PAG1: variants seen among roughly 807,000 people sequenced by gnomAD.
The protein encoded by PAG1 is phosphoprotein associated with glycosphingolipid-enriched microdomains 1.
Under a neutral mutation model 31.7 loss-of-function variants are expected in PAG1, and 23 were observed. The observed-to-expected ratio is 0.73, with a 90% CI of 0.52 to 1.03. The LOEUF (loss-of-function observed/expected upper bound fraction) is 1.03, where lower values mean the gene tolerates loss of function less well. PAG1 is among the 50% of genes least tolerant of loss of function. PAG1 has a pLI of 0.00. For missense variants in PAG1, 473 were observed against 540.7 expected (o/e 0.87, Z 1.24); for synonymous variants, 214 against 210.3 (o/e 1.02, Z -0.15).
intron 3 of PAG1, among the ~76,000 whole-genome samples, chr8:81,029,385 CA>C (rs1268575037): frequency 5.9e-4 from 89 of 150,388 alleles, no homozygotes; most frequent in Non-Finnish European, 7.4e-4. Flanking sequence ...CACACACACA[CA>C]CACCCCTCCC....
intron 3 of PAG1, among the ~76,000 whole-genome samples, chr8:81,029,424 C>T (rs1169506922): frequency 6.6e-6 from 1 of 151,468 alleles, no homozygotes; most frequent in Non-Finnish European, 1.5e-5. Context: ...ATATGATTTC[C>T]AAAACAAGAA....
chr8:81,042,409 T>C (rs1449289872), intron 2 of PAG1, among the ~76,000 whole-genome samples: 1 of 152,238 alleles, frequency 6.6e-6, no homozygotes, highest in Non-Finnish European at 1.5e-5. Flanking sequence ...TCACTTGTTT[T>C]TCAAGCTTTC....
chr8:81,037,969 T>C (rs1808488020), intron 2 of PAG1, among the ~76,000 whole-genome samples: 1 of 152,254 alleles, frequency 6.6e-6, no homozygotes, highest in South Asian at 2.1e-4. Flanking sequence ...TATCCTGCCA[T>C]TGTGCATCAT....
intron 2 of PAG1, among the ~76,000 whole-genome samples, chr8:81,052,308 G>C (rs992448136): frequency 6.6e-6 from 1 of 152,132 alleles, no homozygotes; most frequent in African/African-American, 2.4e-5. Context: ...CTCTAGCTTA[G>C]GTGGGAGGCC....
intron 3 of PAG1, among the ~76,000 whole-genome samples, chr8:80,997,969 G>C (rs568789835): frequency 6.6e-6 from 1 of 152,258 alleles, no homozygotes; most frequent in East Asian, 1.9e-4. Context: ...ATGGTTAAAG[G>C]ACTTTCATTG....
chr8:81,021,426 T>A (rs1454989804), intron 3 of PAG1, among the ~76,000 whole-genome samples: 1 of 149,424 alleles, frequency 6.7e-6, no homozygotes, highest in African/African-American at 2.5e-5. Flanking sequence ...GCACCCTATG[T>A]CCTTTTATTT....
At chr8:81,060,068 TA>T (rs1475489470) in intron 2 of PAG1, among the ~76,000 whole-genome samples, 1 of 151,852 alleles carries the variant, frequency 6.6e-6, no homozygotes, top group East Asian at 1.9e-4. Flanking sequence ...TGAAAATAAT[TA>T]AAAAATCTGA....
In PAG1 at chr8:80,968,469, T is replaced by C. The variant is rs1807009468; in HGVS notation, c.*8075A>G. On this transcript the variant is annotated 3_prime_UTR_variant, in exon 9 of 9. Coordinates refer to ENST00000220597, the MANE Select transcript of PAG1 (RefSeq NM_018440.4). ...AAATTGTCCCACTTGAGAATTTAAT[T>C]CAATAACTCTACACTTTTCCAATAA... is the stretch of plus-strand genomic sequence containing the variant. The C allele has an allele frequency of 6.6e-6, 1 of 152,208 alleles. No individual in the cohort carries two copies. Among genetic ancestry groups the C allele is most frequent in the Non-Finnish European group, 1.5e-5 (1 of 68,034 alleles). The allele number at this position is 152,208 out of a possible 1,614,324, so 9.4% of individuals were successfully genotyped here. A position where few individuals can be genotyped will look rare whatever the true frequency, so the allele number is the denominator to read the frequency against.
At chr8:81,061,289 G>C (rs1274201805) in intron 2 of PAG1, among the ~76,000 whole-genome samples, 1 of 152,142 alleles carries the variant, frequency 6.6e-6, no homozygotes, top group Non-Finnish European at 1.5e-5. Flanking sequence ...CTGGCCAATT[G>C]ATCTTGAGGG....
At chr8:81,104,130 A>G (rs1210925716) in intron 1 of PAG1, among the ~76,000 whole-genome samples, 1 of 152,162 alleles carries the variant, frequency 6.6e-6, no homozygotes, top group African/African-American at 2.4e-5. Flanking sequence ...TTTATTGACC[A>G]GAACCGGAAA....
intron 8 of PAG1, 129 bp from the exon 9 acceptor site, chr8:80,977,035 T>C: frequency 1.3e-6 from 1 of 766,400 alleles, no homozygotes; most frequent in South Asian, 1.8e-5. Context: ...TGTTCTTTCT[T>C]ATCTGTACTA....
intron 3 of PAG1, among the ~76,000 whole-genome samples, chr8:81,001,614 C>A (rs577211982): frequency 2.6e-5 from 4 of 152,156 alleles, no homozygotes; most frequent in African/African-American, 4.8e-5. Context: ...ATAGGCTTGA[C>A]ATAAAAAGCA....
chr8:80,971,089 A>G lies in PAG1; in HGVS notation c.*5455T>C, dbSNP rs1207305098. 6.6e-6 allele frequency: 1 copy of G among 152,250 alleles called. No individual in the cohort carries two copies. The highest frequency in any genetic ancestry group is 1.9e-4 in the East Asian group (1 of 5,202). 9.4% of individuals were successfully genotyped at this position (152,250 alleles called of 1,614,324 possible). A position where few individuals can be genotyped will look rare whatever the true frequency, so the allele number is the denominator to read the frequency against. ...GATCCGGGGAGGGAAAAGTAATCAC[A>G]AAATGTTCAAGCTAATAAGAGATAT... On this transcript the variant is annotated 3_prime_UTR_variant, in exon 9 of 9. Coordinates refer to ENST00000220597, the MANE Select transcript of PAG1 (RefSeq NM_018440.4).
At chr8:81,104,655 G>C (rs560661761) in intron 1 of PAG1, among the ~76,000 whole-genome samples, 39 of 152,040 alleles carry the variant, frequency 2.6e-4, no homozygotes, top group African/African-American at 9.4e-4. Flanking sequence ...GCAGCCTTAT[G>C]GATTCAATTC....
chr8:81,076,875 C>G (rs1230243111), intron 1 of PAG1, among the ~76,000 whole-genome samples: 2 of 152,120 alleles, frequency 1.3e-5, no homozygotes, highest in African/African-American at 4.8e-5. Context: ...AAGGCAAAGA[C>G]CAAATATACT....
chr8:80,991,031 T>C (rs1363445972), intron 5 of PAG1, among the ~76,000 whole-genome samples: 1 of 152,070 alleles, frequency 6.6e-6, no homozygotes, highest in Non-Finnish European at 1.5e-5. Flanking sequence ...CATAGGAAGA[T>C]GAAGGCAGAA....
chr8:81,025,973 C>A (rs892873404), intron 3 of PAG1, among the ~76,000 whole-genome samples: 7 of 152,114 alleles, frequency 4.6e-5, no homozygotes, highest in African/African-American at 1.7e-4. Flanking sequence ...CCAGGAGACA[C>A]CCGTGTTTAG....
intron 3 of PAG1, among the ~76,000 whole-genome samples, chr8:80,997,999 A>G (rs1807714880): frequency 2.0e-5 from 3 of 152,178 alleles, no homozygotes; most frequent in Admixed American, 2.0e-4. Flanking sequence ...TCAAAGATTT[A>G]TCTCATTAAT....
chr8:81,026,492 G>C (rs1808280280), intron 3 of PAG1, among the ~76,000 whole-genome samples: 2 of 150,250 alleles, frequency 1.3e-5, no homozygotes, highest in African/African-American at 4.9e-5. Context: ...CCTTGCTTTA[G>C]GGCATCCTCC....
Sources: gnomAD v4.1 joint callset for allele counts (sites outside exome capture counted in the v4.1 genomes callset) on GRCh38, gnomAD v4.1.1 for gene constraint, MANE v1.5 for transcripts, NCBI Gene and HGNC (gene_info 2026-07-23, HGNC 2026-07-21) for gene names.